The following FHL2 variants were observed in gnomAD, a reference collection of about 807,000 sequenced individuals.
FHL2 encodes four and a half LIM domains 2.
A neutral mutation model predicts 32.7 loss-of-function variants in FHL2; 20 were observed. The ratio of observed to expected loss-of-function variants is 0.61; its 90% CI spans 0.43 to 0.89. FHL2 has a LOEUF of 0.89. Among genes scored for constraint, FHL2 ranks in the 40% least tolerant of loss-of-function variants. The probability of loss-of-function intolerance (pLI) is 0.00; values close to 1 mark genes in which losing one functional copy is unlikely to be tolerated. For missense variants in FHL2, 311 were observed against 358.6 expected (o/e 0.87, Z 1.07); for synonymous variants, 123 against 128.1 (o/e 0.96, Z 0.27).
chr2:105,399,186 G>T (rs1338253886), upstream of FHL2: 22 of 1,413,512 alleles, frequency 1.6e-5, no homozygotes, highest in Admixed American at 3.5e-5. Context: ...CGGTTGCCGT[G>T]CCCCCGCCCC....
chr2:105,425,045 G>A (rs188897030), intron 1 of FHL2, among the ~76,000 whole-genome samples: 6 of 152,222 alleles, frequency 3.9e-5, no homozygotes, highest in Admixed American at 3.9e-4. Flanking sequence ...AAGAAAGAGA[G>A]ATCAGACTGT....
At chr2:105,397,148 A>C (rs1006853705) in intron 1 of FHL2, among the ~76,000 whole-genome samples, 5 of 151,708 alleles carry the variant, frequency 3.3e-5, no homozygotes, top group Non-Finnish European at 7.4e-5. Context: ...GAAATATTCA[A>C]ATGTTAAAAA....
chr2:105,395,871 C>T (rs1475084108), intron 2 of FHL2, among the ~76,000 whole-genome samples: 1 of 152,140 alleles, frequency 6.6e-6, no homozygotes, highest in Admixed American at 6.5e-5. Flanking sequence ...CGTGGGCCAC[C>T]GAAGGCTGAG....
At position 105,397,019 on chromosome 2, in the gene FHL2, T is replaced by TC. The variant is rs1188686643; in HGVS notation, c.-75-323_-75-322insG. ...TCCTGATATCTAGTCTGTTTTTTTT[T>TC]TTTTTTTTTTTTGGCAATATTCTAT... On this transcript the variant is annotated intron_variant, in intron 1 of 6. Coordinates refer to ENST00000530340, the MANE Select transcript of FHL2 (RefSeq NM_001318895.3). 26 of 200,298 alleles carry TC rather than the reference T, an allele frequency of 1.3e-4. 1 individual carries two copies. In the South Asian group the frequency reaches 5.1e-3, roughly 39 times the overall value. 12.4% of individuals were successfully genotyped at this position (200,298 alleles called of 1,614,324 possible).
chr2:105,365,225 A>G (rs1309506934), intron 5 of FHL2, among the ~76,000 whole-genome samples: 4 of 152,156 alleles, frequency 2.6e-5, no homozygotes, highest in Non-Finnish European at 5.9e-5. Flanking sequence ...TCTCCTCCAT[A>G]GCACACTGCT....
chr2:105,359,335 TAACA>T (rs1190997602), downstream of FHL2: 1 of 152,166 alleles, frequency 6.6e-6, no homozygotes, highest in Admixed American at 6.5e-5. Flanking sequence ...GCAAAACAAC[TAACA>T]AAGGATGAAA....
rs1029012229 is a variant in FHL2, at chr2:105,433,548, G to C, written c.-25+4851C>G. 1.4e-4 allele frequency among the ~76,000 whole-genome samples: 22 copies of C among 152,152 alleles called. 1 individual carries two copies. The highest frequency in any genetic ancestry group is 5.3e-4 in the African/African-American group (22 of 41,420). On this transcript the variant is annotated intron_variant, in intron 1 of 5. Coordinates refer to the FHL2 transcript ENST00000393352. ...TCCAAGTTTCTAGTGGGATTAGTGT[G>C]AAACTGGCATTGCACTGCTTGTATT...
chr2:105,415,718 A>G (rs1683912698), intron 1 of FHL2, among the ~76,000 whole-genome samples: 1 of 152,248 alleles, frequency 6.6e-6, no homozygotes. Context: ...AACAATAAAT[A>G]AATAAACAAA....
chr2:105,431,913 C>T (rs1388170980), intron 1 of FHL2, among the ~76,000 whole-genome samples: 1 of 152,182 alleles, frequency 6.6e-6, no homozygotes, highest in Non-Finnish European at 1.5e-5. Flanking sequence ...AGGATCCTGC[C>T]GGAGCTCATC....
At chr2:105,434,006 C>T (rs1190099091) in intron 1 of FHL2, among the ~76,000 whole-genome samples, 1 of 152,120 alleles carries the variant, frequency 6.6e-6, no homozygotes, top group East Asian at 1.9e-4. Flanking sequence ...CTGGTACCTT[C>T]AAAGGAATCC....
Position 105,373,576 on chromosome 2 carries a change from T to C in FHL2, c.314A>G (p.Lys105Arg). Reference protein sequence around the residue: ...NEYSSKCQECKKTIMPGTRKM... With the variant: ...NEYSSKCQECRKTIMPGTRKM... ...CTCCTGACCTGGCATGATGGTCTTC[T>C]TGCATTCCTGGCACTTGGATGAGTA... is the stretch of plus-strand genomic sequence containing the variant. The change falls in exon 4 of 7, where the codon AAG becomes AGG. Residue 105 changes from lysine (K) to arginine (R), a missense_variant. Coordinates refer to ENST00000530340, the MANE Select transcript of FHL2 (RefSeq NM_001318895.3). The C allele has an allele frequency of 6.2e-7, 1 of 1,614,216 alleles. No homozygotes were observed. The highest frequency in any genetic ancestry group is 8.5e-7 in the Non-Finnish European group (1 of 1,180,028).
At chr2:105,405,132 T>G (rs1683588041) in intron 1 of FHL2, among the ~76,000 whole-genome samples, 1 of 152,208 alleles carries the variant, frequency 6.6e-6, no homozygotes, top group Non-Finnish European at 1.5e-5. Flanking sequence ...CTGAAAAACT[T>G]TGCTTCTTAT....
upstream of FHL2, among the ~76,000 whole-genome samples, chr2:105,400,875 C>T (rs189728597): frequency 2.6e-5 from 4 of 151,524 alleles, no homozygotes; most frequent in East Asian, 7.8e-4. Context: ...AATTTTTGAC[C>T]TAATGGGTAG....
At chr2:105,433,867 G>A (rs1179601362) in intron 1 of FHL2, among the ~76,000 whole-genome samples, 2 of 152,142 alleles carry the variant, frequency 1.3e-5, no homozygotes, top group Admixed American at 6.6e-5. Flanking sequence ...ACTTTGGGGA[G>A]TCAAGAGACT....
chr2:105,415,995 A>T (rs1248706482), intron 1 of FHL2, among the ~76,000 whole-genome samples: 2 of 152,238 alleles, frequency 1.3e-5, no homozygotes, highest in African/African-American at 4.8e-5. Context: ...ATCAATTTCA[A>T]GTTTAATTAA....
rs963342076 is a variant in FHL2, at chr2:105,434,567, CA to C, written c.-25+3831del. Among the ~76,000 whole-genome samples, 169 of 140,472 alleles carry C rather than the reference CA, an allele frequency of 1.2e-3. 1 individual carries two copies. In the East Asian group the frequency reaches 0.02, roughly 17 times the overall value. The allele number at this position is 140,472 out of a possible 152,430, so 92.2% of individuals were successfully genotyped here. A position where few individuals can be genotyped will look rare whatever the true frequency, so the allele number is the denominator to read the frequency against. On this transcript the variant is annotated intron_variant, in intron 1 of 5. Coordinates refer to the FHL2 transcript ENST00000393352. ...TGGGCAACAGAGTGAGACTCCATCT[CA>C]AAAAAAAAACAAAACAAACAAACAA...
upstream of FHL2, chr2:105,399,259 G>A (rs1181764791): frequency 6.5e-6 from 10 of 1,535,630 alleles, no homozygotes; most frequent in African/African-American, 1.4e-5. Flanking sequence ...GTGCCCTCCG[G>A]GTCTTGGGAG....
intron 1 of FHL2, among the ~76,000 whole-genome samples, chr2:105,427,570 A>G (rs1684303497): frequency 2.0e-5 from 3 of 152,186 alleles, no homozygotes; most frequent in Admixed American, 2.0e-4. Flanking sequence ...AATCAATAGG[A>G]TAAACGTGTC....
At chr2:105,374,624 A>C (rs1275118206) in intron 3 of FHL2, 1 of 152,140 alleles carries the variant, frequency 6.6e-6, no homozygotes, top group Non-Finnish European at 1.5e-5. Context: ...TGAGTAAAAG[A>C]TGAGGGAGAG....
Sources: gnomAD v4.1 joint callset for allele counts (sites outside exome capture counted in the v4.1 genomes callset) on GRCh38, gnomAD v4.1.1 for gene constraint, MANE v1.5 for transcripts, NCBI Gene and HGNC (gene_info 2026-07-23, HGNC 2026-07-21) for gene names.